The following RNF157 variants were observed in gnomAD, a reference collection of about 807,000 sequenced individuals.
RNF157 encodes the protein E3 ubiquitin ligase RNF157.
RNF157 carries 55 observed loss-of-function variants against 88.3 expected under a neutral mutation model. That is an observed-to-expected ratio of 0.62 (90% CI 0.50 to 0.78). The LOEUF (loss-of-function observed/expected upper bound fraction) is 0.78. RNF157 is among the 30% of genes least tolerant of loss of function. The pLI, the probability that RNF157 is intolerant of heterozygous loss-of-function variation, is 0.00. For missense variants in RNF157, 788 were observed against 860.8 expected, an observed-to-expected ratio of 0.92 and a Z score of 1.06; for synonymous variants, 334 against 341.2, an observed-to-expected ratio of 0.98 and a Z score of 0.23.
At chr17:76,226,510 C>G in intron 1 of RNF157, 2 of 1,612,932 alleles carry the variant, frequency 1.2e-6, no homozygotes, top group Non-Finnish European at 1.7e-6. Context: ...CTATACCCAA[C>G]AGGGCACCAA....
chr17:76,182,451 C>CTGTGTGTGTGTGTGTGTG (rs5822121), intron 2 of RNF157, among the ~76,000 whole-genome samples: 5 of 144,026 alleles, frequency 3.5e-5, no homozygotes, highest in African/African-American at 1.3e-4. Context: ...CGCATTTAGT[C>CTGTGTGTGTGTGTGTGTG]TGTGTGTGTG....
At chr17:76,164,695 T>C (rs769444512) in intron 8 of RNF157, 53 bp downstream of exon 8, 2 of 1,089,134 alleles carry the variant, frequency 1.8e-6, no homozygotes, top group Non-Finnish European at 2.7e-6. Flanking sequence ...AAGGAAAGAA[T>C]AAAAGGAAGG....
intron 2 of RNF157, among the ~76,000 whole-genome samples, chr17:76,202,155 C>CACACAA (rs2069595083): frequency 6.6e-6 from 1 of 151,428 alleles, no homozygotes; most frequent in African/African-American, 2.4e-5. Context: ...CACACACACA[C>CACACAA]ACACACACAC....
chr17:76,190,652 G>A lies in RNF157; in HGVS notation c.208-16862C>T, dbSNP rs375612725. Among the ~76,000 whole-genome samples the A allele has an allele frequency of 2.8e-4, 42 of 151,540 alleles. No individual in the cohort carries two copies. The South Asian group carries it at 5.8e-3, about 21-fold the overall frequency. On this transcript the variant is annotated intron_variant, in intron 2 of 18. Transcript: ENST00000269391. The stretch of plus-strand genomic sequence containing the variant: ...AAATAGTTTACGGCCGGGCGTGATG[G>A]CTCACGCCTGTAATCCCAGCACTTT...
rs80297761 is a variant in RNF157 at position 76,147,967 on chromosome 17, T to C, written c.1922-2614A>G. On this transcript the variant is annotated intron_variant, in intron 18 of 18. Coordinates refer to ENST00000269391, the MANE Select transcript of RNF157 (RefSeq NM_052916.3). ...CATTCAGGAAAATTTCACAAGCCCC[T>C]TTCCTGCCTCTACAAAGCCACTTAT... is the stretch of plus-strand genomic sequence containing the variant. Among the ~76,000 whole-genome samples, 1,465 of 152,300 alleles carry C rather than the reference T, an allele frequency of 9.6e-3. 23 individuals carry two copies. The highest frequency in any genetic ancestry group is 0.03 in the African/African-American group (1,247 of 41,552).
chr17:76,190,685 C>T (rs1377862162), intron 2 of RNF157, among the ~76,000 whole-genome samples: 1 of 151,658 alleles, frequency 6.6e-6, no homozygotes, highest in Non-Finnish European at 1.5e-5. Flanking sequence ...TTTGGGAGGC[C>T]GAGACGGGTG....
rs747213888 is a variant in RNF157 at position 76,146,794 on chromosome 17, A to T, written c.1922-1441T>A. Reference sequence around the variant, plus strand: ...GAGCCCAGCACAACACCTGACCCATAGGAGGACCTGTTCAGCGGACAAGGC... The same window carrying T: ...GAGCCCAGCACAACACCTGACCCATTGGAGGACCTGTTCAGCGGACAAGGC... On this transcript the variant is annotated intron_variant, in intron 18 of 18. Coordinates refer to ENST00000269391, the MANE Select transcript of RNF157 (RefSeq NM_052916.3). This position sits in a 1 kb window ranked among gnomAD's most constrained non-coding sequence, Gnocchi z 4.2. 5.3e-5 allele frequency: 52 copies of T among 985,312 alleles called. No individual in the cohort carries two copies. Among genetic ancestry groups the T allele is most frequent in the Non-Finnish European group, 6.3e-5 (52 of 829,898 alleles). 61.0% of individuals were successfully genotyped at this position (985,312 alleles called of 1,614,324 possible).
chr17:76,172,607 C>CAAAAAAAAAAAAAAAAAAAAAAA (rs35297368), intron 3 of RNF157, among the ~76,000 whole-genome samples: 1 of 31,704 alleles, frequency 3.2e-5, no homozygotes, highest in African/African-American at 1.2e-4. Flanking sequence ...AACTCCATCT[C>CAAAAAAAAAAAAAAAAAAAAAAA]AAAAAAAAAA....
intron 2 of RNF157, among the ~76,000 whole-genome samples, chr17:76,185,485 T>TTTTTTTTTTTTTTTTTG (rs2069267657): frequency 6.7e-6 from 1 of 149,768 alleles, no homozygotes; most frequent in African/African-American, 2.5e-5. Context: ...CTTTTTTTTT[T>TTTTTTTTTTTTTTTTTG]TTGAGACGGA....
At chr17:76,179,900 T>A (rs1598408434) in intron 2 of RNF157, among the ~76,000 whole-genome samples, 1 of 152,188 alleles carries the variant, frequency 6.6e-6, no homozygotes, top group South Asian at 2.1e-4. Context: ...TCAGTTCATA[T>A]CCACAGAGTT....
At chr17:76,206,342 A>G (rs1366460907) in intron 2 of RNF157, among the ~76,000 whole-genome samples, 1 of 152,224 alleles carries the variant, frequency 6.6e-6, no homozygotes, top group African/African-American at 2.4e-5. Flanking sequence ...ATCTAACTCA[A>G]TAAAGGAGCA....
intron 18 of RNF157, among the ~76,000 whole-genome samples, chr17:76,152,058 A>G (rs527451957): frequency 1.4e-3 from 213 of 152,338 alleles, no homozygotes; most frequent in South Asian, 5.6e-3. Context: ...GCCACCTGAC[A>G]TGGTACCTGC....
intron 18 of RNF157, among the ~76,000 whole-genome samples, chr17:76,151,218 T>TG (rs1348964385): frequency 2.0e-5 from 3 of 152,164 alleles, no homozygotes; most frequent in Non-Finnish European, 4.4e-5. Flanking sequence ...TCACTGAAAA[T>TG]GAAGAGGCCT....
At chr17:76,221,410 A>G (rs1256363726) in intron 1 of RNF157, among the ~76,000 whole-genome samples, 1 of 152,170 alleles carries the variant, frequency 6.6e-6, no homozygotes, top group Non-Finnish European at 1.5e-5. Flanking sequence ...AAAACAGAAC[A>G]TGATTAATGA....
intron 2 of RNF157, among the ~76,000 whole-genome samples, chr17:76,205,631 A>C (rs2144998905): frequency 6.6e-6 from 1 of 152,170 alleles, no homozygotes; most frequent in South Asian, 2.1e-4. Flanking sequence ...AGGCTGAAGC[A>C]GAAGAATTGC....
intron 2 of RNF157, among the ~76,000 whole-genome samples, chr17:76,182,206 A>G (rs2069200249): frequency 6.6e-6 from 1 of 152,166 alleles, no homozygotes; most frequent in African/African-American, 2.4e-5. Flanking sequence ...ATGGAAGTAG[A>G]GTTGGGCTCA....
At chr17:76,194,798 G>T (rs62090133) in intron 2 of RNF157, among the ~76,000 whole-genome samples, 6 of 152,080 alleles carry the variant, frequency 3.9e-5, no homozygotes, top group African/African-American at 1.4e-4. Context: ...GGCAGATCAC[G>T]AGGTCAGGAG....
intron 1 of RNF157, among the ~76,000 whole-genome samples, chr17:76,232,751 T>A (rs1198779153): frequency 6.6e-6 from 1 of 152,234 alleles, no homozygotes; most frequent in Admixed American, 6.5e-5. Flanking sequence ...TTCTCAACAT[T>A]TGACACTGTC....
At chr17:76,223,408 G>A (rs959387134) in intron 1 of RNF157, among the ~76,000 whole-genome samples, 7 of 151,128 alleles carry the variant, frequency 4.6e-5, no homozygotes, top group Non-Finnish European at 8.8e-5. Context: ...GACTGGTCTC[G>A]AACTCCTGAC....
Sources: allele counts gnomAD v4.1 joint callset (sites outside exome capture counted in the v4.1 genomes callset), GRCh38; gene constraint gnomAD v4.1.1; non-coding constraint Gnocchi (gnomAD v3.1); transcripts MANE v1.5; gene names NCBI Gene and HGNC (gene_info 2026-07-23, HGNC 2026-07-21).